Variants in ABI2 observed in about 807,000 individuals in gnomAD.
ABI2 encodes the protein abelson interactor 2.
In ABI2, 25 loss-of-function variants were observed where a neutral mutation model predicts 59.2. The ratio of observed to expected loss-of-function variants is 0.42; its 90% CI spans 0.31 to 0.59. ABI2 has a LOEUF of 0.59. ABI2 is among the 20% of genes least tolerant of loss of function. ABI2 has a pLI of 0.14. For missense variants in ABI2, 545 were observed against 681.8 expected (o/e 0.80, Z 2.23); for synonymous variants, 213 against 235.5 (o/e 0.90, Z 0.87).
chr2:203,406,907 GT>G (rs926918939), intron 9 of ABI2, among the ~76,000 whole-genome samples: 2 of 152,090 alleles, frequency 1.3e-5, no homozygotes, highest in African/African-American at 4.8e-5. Flanking sequence ...AAGTGATCCA[GT>G]TCCATCTGGC....
rs375273891 is a variant in ABI2 at position 203,430,533 on chromosome 2, T to C, written c.*3181T>C. ...GGCAATAAATCAGAAACAAAAATAG[T>C]GCCAATGTGTCAAAATCGACATCTG... On this transcript the variant is annotated 3_prime_UTR_variant, in exon 12 of 12. Transcript: ENST00000261018. 1.3e-5 allele frequency: 2 copies of C among 152,244 alleles called. No homozygotes were observed. Among genetic ancestry groups the C allele is most frequent in the Admixed American group, 6.5e-5 (1 of 15,282 alleles). 9.4% of individuals were successfully genotyped at this position (152,244 alleles called of 1,614,324 possible). A position where few individuals can be genotyped will look rare whatever the true frequency, so the allele number is the denominator to read the frequency against.
chr2:203,396,692 G>T, intron 7 of ABI2, 93 bp from the exon 8 acceptor site: 1 of 1,286,652 alleles, frequency 7.8e-7, no homozygotes, highest in Non-Finnish European at 1.0e-6. Context: ...GTTAAGCACT[G>T]AATATCTAAC....
chr2:203,377,174 G>A lies in ABI2; in HGVS notation c.286-3034G>A, dbSNP rs944318833. Among the ~76,000 whole-genome samples the A allele has an allele frequency of 3.3e-5, 5 of 152,078 alleles. No individual in the cohort carries two copies. In the East Asian group the frequency reaches 7.7e-4, roughly 24 times the overall value. On this transcript the variant is annotated intron_variant, in intron 2 of 11. Transcript: ENST00000261018. ...CTCTACAAAAAATAAAATTAGCTGG[G>A]CATGGTGGTACATGCCTGTAGTCCT...
intron 1 of ABI2, among the ~76,000 whole-genome samples, chr2:203,358,071 T>G (rs1047329948): frequency 7.0e-5 from 9 of 128,782 alleles, no homozygotes; most frequent in South Asian, 2.7e-4. Context: ...CCTGGCCTGT[T>G]TGTGTGTGTG....
intron 1 of ABI2, among the ~76,000 whole-genome samples, chr2:203,364,105 T>TA (rs60777028): frequency 2.6e-5 from 4 of 151,084 alleles, no homozygotes; most frequent in African/African-American, 9.7e-5. Context: ...TTTTTTTTTT[T>TA]AAGTTTTATT....
At chr2:203,350,842 CTTTGTT>C (rs2087635018) in intron 1 of ABI2, among the ~76,000 whole-genome samples, 1 of 147,284 alleles carries the variant, frequency 6.8e-6, no homozygotes. Flanking sequence ...CCGGCCTTTT[CTTTGTT>C]TTTGTTGTGT....
chr2:203,428,602 GAC>G lies in ABI2; in HGVS notation c.*1254_*1255del, dbSNP rs1235821404. 1 of 152,476 alleles carries G rather than the reference GAC, an allele frequency of 6.6e-6. No individual in the cohort carries two copies. Among genetic ancestry groups the G allele is most frequent in the African/African-American group, 2.4e-5 (1 of 41,434 alleles). The allele number at this position is 152,476 out of a possible 1,614,324, so 9.4% of individuals were successfully genotyped here. A position where few individuals can be genotyped will look rare whatever the true frequency, so the allele number is the denominator to read the frequency against. ...CACATTGATAAAAATTAATATAACT[GAC>G]ACAATAAAACACATTTCCCCCATCT... On this transcript the variant is annotated 3_prime_UTR_variant, in exon 12 of 12. Transcript: ENST00000261018.
chr2:203,345,233 T>C (rs1042733448), intron 1 of ABI2, among the ~76,000 whole-genome samples: 1 of 151,962 alleles, frequency 6.6e-6, no homozygotes, highest in Admixed American at 6.6e-5. Flanking sequence ...AACAAATAAC[T>C]CCAGACACGC....
At chr2:203,417,165 T>G in intron 11 of ABI2, 84 bp downstream of exon 11, 4 of 1,200,778 alleles carry the variant, frequency 3.3e-6, no homozygotes, top group Non-Finnish European at 4.5e-6. Flanking sequence ...GAATCTTATT[T>G]TCTACTAAGT....
At chr2:203,400,289 G>A (rs553772916) in intron 8 of ABI2, among the ~76,000 whole-genome samples, 68 of 151,606 alleles carry the variant, frequency 4.5e-4, no homozygotes, top group Admixed American at 3.2e-3. Context: ...AAGTTTCACC[G>A]TGTTGGTCAG....
At chr2:203,350,989 T>TA (rs922129323) in intron 1 of ABI2, among the ~76,000 whole-genome samples, 7 of 152,272 alleles carry the variant, frequency 4.6e-5, no homozygotes, top group African/African-American at 1.7e-4. Context: ...TTTTAGCTCT[T>TA]ACATTTAGAT....
chr2:203,339,904 G>C (rs1466020376), intron 1 of ABI2, among the ~76,000 whole-genome samples: 2 of 152,164 alleles, frequency 1.3e-5, no homozygotes, highest in Admixed American at 6.5e-5. Context: ...AGTCACCCTT[G>C]TGGAACGCGT....
intron 1 of ABI2, among the ~76,000 whole-genome samples, chr2:203,339,038 C>T (rs1465084769): frequency 1.7e-5 from 2 of 118,036 alleles, no homozygotes; most frequent in Non-Finnish European, 3.4e-5. Flanking sequence ...TAGCAAAAAA[C>T]CAAATAACCA....
At position 203,411,268 on chromosome 2, in the gene ABI2, CT is replaced by C. The variant is rs771626096; in HGVS notation, c.1193-11del. ...CGCCCTTATCCCTTATCCTCCACAC[CT>C]TTTTTGTTTTTGCAGTATCTCTTGC... On this transcript the variant is annotated splice_polypyrimidine_tract_variant and intron_variant, in intron 9 of 11. Transcript: ENST00000261018. The C allele has an allele frequency of 6.2e-7, 1 of 1,602,770 alleles. No individual in the cohort carries two copies. Among genetic ancestry groups the C allele is most frequent in the African/African-American group, 1.3e-5 (1 of 74,708 alleles).
chr2:203,377,789 C>T (rs912719112), intron 2 of ABI2, among the ~76,000 whole-genome samples: 3 of 152,166 alleles, frequency 2.0e-5, no homozygotes, highest in African/African-American at 7.2e-5. Context: ...GCCTGTAGTC[C>T]CAGCTCCTTA....
At position 203,395,710 on chromosome 2, in the gene ABI2, G is replaced by A. The variant is rs777140296; in HGVS notation, c.780G>A (p.Glu260=). 6 of 1,612,514 alleles carry A rather than the reference G, an allele frequency of 3.7e-6. No homozygotes were observed. Among genetic ancestry groups the A allele is most frequent in the Middle Eastern group, 1.7e-4 (1 of 6,058 alleles). ...CAAGTAGTCGGAGCAGCAGTCGAGA[G>A]AACAGTGGAAGTGGTAGTGTGGGGG... ...SHPSSRSSSR[E]NSGSGSVGVP... The change falls in exon 7 of 12, where the codon GAG becomes GAA. Residue 260 remains glutamate, a synonymous_variant. Transcript: ENST00000261018.
chr2:203,354,466 A>T (rs1053641977), intron 1 of ABI2, among the ~76,000 whole-genome samples: 1 of 152,210 alleles, frequency 6.6e-6, no homozygotes, highest in African/African-American at 2.4e-5. Flanking sequence ...TATGAATCTT[A>T]TATGAACATA....
intron 1 of ABI2, among the ~76,000 whole-genome samples, chr2:203,354,760 C>T (rs1399409848): frequency 6.6e-6 from 1 of 152,154 alleles, no homozygotes; most frequent in Non-Finnish European, 1.5e-5. Context: ...CAGGGAAGAA[C>T]CTGAATTTAG....
At chr2:203,363,202 G>A (rs567382862) in intron 1 of ABI2, among the ~76,000 whole-genome samples, 4 of 152,040 alleles carry the variant, frequency 2.6e-5, no homozygotes, top group African/African-American at 9.6e-5. Flanking sequence ...ATATTTATGG[G>A]TTACCTGAGA....
Sources: allele counts gnomAD v4.1 joint callset (sites outside exome capture counted in the v4.1 genomes callset), GRCh38; gene constraint gnomAD v4.1.1; transcripts MANE v1.5; gene names NCBI Gene and HGNC (gene_info 2026-07-23, HGNC 2026-07-21).